Variants in PPP2R2D observed in about 807,000 individuals in gnomAD.
The protein encoded by PPP2R2D is serine/threonine-protein phosphatase 2A 55 kDa regulatory subunit B delta isoform.
PPP2R2D carries 9 observed loss-of-function variants against 31.1 expected under a neutral mutation model. The observed-to-expected ratio is 0.29, with a 90% confidence interval of 0.17 to 0.51. The LOEUF (loss-of-function observed/expected upper bound fraction) is 0.51. PPP2R2D is among the 20% of genes least tolerant of loss of function. The probability of loss-of-function intolerance (pLI) is 0.98; values close to 1 mark genes in which losing one functional copy is unlikely to be tolerated. For missense variants in PPP2R2D, 391 were observed against 465.6 expected (o/e 0.84, Z 1.48); for synonymous variants, 179 against 172.6 (o/e 1.04, Z -0.29).
intron 3 of PPP2R2D, among the ~76,000 whole-genome samples, chr10:131,936,531 TG>T (rs1484588588): frequency 1.9e-4 from 29 of 152,370 alleles, no homozygotes; most frequent in African/African-American, 6.7e-4. Flanking sequence ...AGTCTGTCAT[TG>T]TAGCGATAGC....
intron 2 of PPP2R2D, among the ~76,000 whole-genome samples, chr10:131,908,321 C>G (rs1275687601): frequency 1.3e-5 from 2 of 152,142 alleles, no homozygotes; most frequent in African/African-American, 2.4e-5. Context: ...CTGTCCATTC[C>G]CTAAGCCCTG....
At chr10:131,936,740 A>T (rs1240112198) in intron 3 of PPP2R2D, among the ~76,000 whole-genome samples, 5 of 152,382 alleles carry the variant, frequency 3.3e-5, no homozygotes, top group Admixed American at 3.3e-4. Context: ...TGAAGTTGTT[A>T]TGTGAGTGAC....
At chr10:131,963,906 C>T (rs782230445), downstream of PPP2R2D, among the ~76,000 whole-genome samples, 4 of 152,168 alleles carry the variant, frequency 2.6e-5, no homozygotes, top group Admixed American at 6.5e-5. Context: ...TGCCTTGGCA[C>T]CTGCCTGGCT....
rs1379479842 is a variant in PPP2R2D at position 131,917,694 on chromosome 10, C to G, written c.100+16364C>G. The stretch of plus-strand genomic sequence containing the variant: ...GTGGGTGGAATGACAGTGTAGGGAC[C>G]TCAGGCGGGTGGAATGACACAGTGT... On this transcript the variant is annotated intron_variant, in intron 2 of 8. Transcript: ENST00000455566. Among the ~76,000 whole-genome samples, 2 of 117,618 alleles carry G rather than the reference C, an allele frequency of 1.7e-5. 1 individual carries two copies. Among genetic ancestry groups the G allele is most frequent in the Non-Finnish European group, 3.4e-5 (2 of 58,864 alleles). The allele number at this position is 117,618 out of a possible 152,430, so 77.2% of individuals were successfully genotyped here.
Position 131,901,121 on chromosome 10 carries a change from G to T in PPP2R2D, c.-28G>T, listed in dbSNP as rs1295587762. The T allele has an allele frequency of 6.5e-5, 16 of 247,206 alleles. No individual in the cohort carries two copies. Among genetic ancestry groups the T allele is most frequent in the Non-Finnish European group, 1.2e-4 (16 of 131,400 alleles). 15.3% of individuals were successfully genotyped at this position (247,206 alleles called of 1,614,324 possible). On this transcript the variant is annotated 5_prime_UTR_variant, in exon 1 of 9. Transcript: ENST00000455566. ...GAGGCCGTCTCCCTGGTCTGCCGCG[G>T]TCCCCGCCCGTCCCGCCGCCGGCTG...
At chr10:131,932,673 CA>C (rs1246959357) in intron 2 of PPP2R2D, among the ~76,000 whole-genome samples, 1 of 112,856 alleles carries the variant, frequency 8.9e-6, no homozygotes, top group Non-Finnish European at 1.8e-5. Flanking sequence ...AAAAAACACA[CA>C]AAAAAAACCT....
chr10:131,970,447 G>A, the PPP2R2D span: 2 of 782,790 alleles, frequency 2.6e-6, no homozygotes, highest in Non-Finnish European at 4.0e-6. This position sits in a 1 kb window ranked among gnomAD's most constrained non-coding sequence, Gnocchi z 4.1. Flanking sequence ...CAGGGCGCCT[G>A]TGCTGGGGCC....
At chr10:131,910,604 G>GA (rs1179173815) in intron 2 of PPP2R2D, among the ~76,000 whole-genome samples, 1 of 152,052 alleles carries the variant, frequency 6.6e-6, no homozygotes, top group Non-Finnish European at 1.5e-5. Flanking sequence ...GGCATTCCAT[G>GA]AAAAAAAGGG....
intron 2 of PPP2R2D, among the ~76,000 whole-genome samples, chr10:131,920,610 C>G (rs147859712): frequency 6.6e-6 from 1 of 152,156 alleles, no homozygotes; most frequent in Non-Finnish European, 1.5e-5. Flanking sequence ...GTAGGAGGTA[C>G]GTTTCTAACC....
rs909924792 is a variant in PPP2R2D at position 131,929,370 on chromosome 10, G to T, written c.101-5088G>T. Among the ~76,000 whole-genome samples, 10 of 152,332 alleles carry T rather than the reference G, an allele frequency of 6.6e-5. No homozygotes were observed. The East Asian group carries it at 1.2e-3, about 18-fold the overall frequency. ...ACTAAAGCGTAAGCCGTGTGAAGAC[G>T]GGCTTTGTGTTGTCTTGAGGCCACC... On this transcript the variant is annotated intron_variant, in intron 2 of 8. Coordinates refer to ENST00000455566, the MANE Select transcript of PPP2R2D (RefSeq NM_018461.5).
At chr10:131,951,363 C>G (rs2036632370) in intron 8 of PPP2R2D, among the ~76,000 whole-genome samples, 1 of 152,212 alleles carries the variant, frequency 6.6e-6, no homozygotes, top group African/African-American at 2.4e-5. Flanking sequence ...AAGTTGTTCT[C>G]TATCATAACA....
chr10:131,922,515 T>G (rs1248683037), intron 2 of PPP2R2D, among the ~76,000 whole-genome samples: 3 of 151,678 alleles, frequency 2.0e-5, no homozygotes, highest in African/African-American at 7.3e-5. Context: ...TGCAGTGGCT[T>G]GATCTCAGCT....
rs1019099642 is a variant in PPP2R2D at position 131,956,752 on chromosome 10, G to T, written c.*789G>T. The T allele has an allele frequency of 5.3e-5, 13 of 245,206 alleles. No homozygotes were observed. In the South Asian group the frequency reaches 2.0e-3, roughly 37 times the overall value. 15.2% of individuals were successfully genotyped at this position (245,206 alleles called of 1,614,324 possible). ...ATACACCAGGTAAGGTCTGGGAAAA[G>T]CCAGAACCGAGGCCACCTCTGAGAA... On this transcript the variant is annotated 3_prime_UTR_variant, in exon 9 of 9. Transcript: ENST00000455566.
intron 2 of PPP2R2D, among the ~76,000 whole-genome samples, chr10:131,914,616 G>A (rs1307705249): frequency 1.3e-5 from 2 of 152,180 alleles, no homozygotes; most frequent in African/African-American, 4.8e-5. Flanking sequence ...GGTTACATGT[G>A]TTAGAACACA....
intron 8 of PPP2R2D, among the ~76,000 whole-genome samples, chr10:131,954,248 C>G (rs1302709291): frequency 3.9e-5 from 6 of 152,248 alleles, no homozygotes; most frequent in African/African-American, 1.2e-4. Flanking sequence ...AGCTGATGTG[C>G]TTTTCGTTAT....
At chr10:131,935,402 A>G (rs1554896335) in intron 3 of PPP2R2D, among the ~76,000 whole-genome samples, 1 of 152,140 alleles carries the variant, frequency 6.6e-6, no homozygotes, top group Non-Finnish European at 1.5e-5. Flanking sequence ...TCTGGTCTCT[A>G]AATTTGTGTG....
intron 8 of PPP2R2D, among the ~76,000 whole-genome samples, chr10:131,952,934 G>T (rs1460196091): frequency 1.5e-5 from 1 of 65,668 alleles, no homozygotes; most frequent in African/African-American, 6.6e-5. Flanking sequence ...CTTGCGGGGG[G>T]GGTCCCTGTC....
At chr10:131,971,020 G>T in the PPP2R2D span, 1 of 1,547,036 alleles carries the variant, frequency 6.5e-7, no homozygotes, top group Non-Finnish European at 8.9e-7. Flanking sequence ...CACGTGACAC[G>T]GGAAAGCACC....
rs1589967080 is a variant in PPP2R2D at position 131,956,709 on chromosome 10, G to A, written c.*746G>A. The A allele has an allele frequency of 2.7e-6, 1 of 375,984 alleles. No individual in the cohort carries two copies. The highest frequency in any genetic ancestry group is 3.7e-6 in the Non-Finnish European group (1 of 272,970). 23.3% of individuals were successfully genotyped at this position (375,984 alleles called of 1,614,324 possible). On this transcript the variant is annotated 3_prime_UTR_variant, in exon 9 of 9. Coordinates refer to ENST00000455566, the MANE Select transcript of PPP2R2D (RefSeq NM_018461.5). Reference sequence around the variant, plus strand: ...CCAAGCTGCTGCCCGCTGTGTTTCTGTAGAAGTAGCCCATCAGATACACCA... The same window carrying A: ...CCAAGCTGCTGCCCGCTGTGTTTCTATAGAAGTAGCCCATCAGATACACCA...
Sources: allele counts gnomAD v4.1 joint callset (sites outside exome capture counted in the v4.1 genomes callset), GRCh38; gene constraint gnomAD v4.1.1; non-coding constraint Gnocchi (gnomAD v3.1); transcripts MANE v1.5; gene names NCBI Gene and HGNC (gene_info 2026-07-23, HGNC 2026-07-21).